The following EPB41L4A variants were observed in gnomAD, a reference collection of about 807,000 sequenced individuals.
EPB41L4A encodes the protein band 4.1-like protein 4A.
Under a neutral mutation model 108.6 loss-of-function variants are expected in EPB41L4A, and 100 were observed. The observed-to-expected ratio is 0.92, with a 90% CI of 0.78 to 1.09. The LOEUF (loss-of-function observed/expected upper bound fraction) is 1.09, where lower values mean the gene tolerates loss of function less well. Ranked by LOEUF, EPB41L4A falls within the 50% of genes least tolerant of loss-of-function variation. The probability of loss-of-function intolerance (pLI) is 0.00; values close to 1 mark genes in which losing one functional copy is unlikely to be tolerated. For synonymous variants in EPB41L4A, 319 were observed against 289.0 expected (o/e 1.10, Z -1.05); for missense variants, 1,030 against 842.7 (o/e 1.22, Z -2.75).
At chr5:112,356,251 C>T (rs1758351916) in intron 1 of EPB41L4A, among the ~76,000 whole-genome samples, 1 of 152,138 alleles carries the variant, frequency 6.6e-6, no homozygotes, top group Non-Finnish European at 1.5e-5. Context: ...CCCCTCCCTA[C>T]CACAACAGAA....
intron 12 of EPB41L4A, among the ~76,000 whole-genome samples, chr5:112,232,128 A>AAGAGAGAGAG (rs1170094950): frequency 1.4e-5 from 2 of 145,322 alleles, no homozygotes; most frequent in Non-Finnish European, 3.0e-5. Context: ...AAAAAAAAAA[A>AAGAGAGAGAG]AGAGAGAGAG....
At chr5:112,412,736 G>A (rs1327751626) in intron 1 of EPB41L4A, among the ~76,000 whole-genome samples, 2 of 152,192 alleles carry the variant, frequency 1.3e-5, no homozygotes, top group Non-Finnish European at 2.9e-5. Context: ...CTTCAGATGT[G>A]ATTAAAATTG....
intron 1 of EPB41L4A, among the ~76,000 whole-genome samples, chr5:112,362,243 T>C (rs1758813418): frequency 6.6e-6 from 1 of 150,950 alleles, no homozygotes; most frequent in Non-Finnish European, 1.5e-5. Flanking sequence ...TGGTTGGGAC[T>C]ACAGGCTCAT....
At chr5:112,280,174 T>C in intron 3 of EPB41L4A, 98 bp downstream of exon 3, 1 of 1,006,396 alleles carries the variant, frequency 9.9e-7, no homozygotes, top group South Asian at 1.3e-5. Context: ...TATTCACTTC[T>C]TTCTCCAGTA....
intron 1 of EPB41L4A, among the ~76,000 whole-genome samples, chr5:112,364,190 C>A (rs1758973206): frequency 6.6e-6 from 1 of 152,086 alleles, no homozygotes; most frequent in Admixed American, 6.6e-5. Flanking sequence ...TCATGCCAGG[C>A]AATTTTTTGT....
chr5:112,412,481 G>GGAAT (rs1561655963), intron 1 of EPB41L4A, among the ~76,000 whole-genome samples: 2 of 152,176 alleles, frequency 1.3e-5, no homozygotes. Context: ...AGAGGACACA[G>GGAAT]GAATGCAATC....
At chr5:112,339,838 G>A (rs1458219174) in intron 1 of EPB41L4A, among the ~76,000 whole-genome samples, 1 of 152,030 alleles carries the variant, frequency 6.6e-6, no homozygotes, top group Non-Finnish European at 1.5e-5. Flanking sequence ...GCTTGGCCAA[G>A]CTTATAAATT....
At chr5:112,211,332 C>T (rs142901016) in intron 12 of EPB41L4A, among the ~76,000 whole-genome samples, 2,503 of 152,276 alleles carry the variant, frequency 0.016, 31 homozygotes, top group East Asian at 0.039. Flanking sequence ...GCCTGTCATC[C>T]CAGCACTTTG....
At chr5:112,160,184 A>G (rs1759804314), downstream of EPB41L4A, among the ~76,000 whole-genome samples, 1 of 152,152 alleles carries the variant, frequency 6.6e-6, no homozygotes, top group African/African-American at 2.4e-5. Context: ...TGCTGGGATT[A>G]CAGGCATGAG....
intron 18 of EPB41L4A, among the ~76,000 whole-genome samples, chr5:112,171,682 C>T (rs1387756128): frequency 6.6e-6 from 1 of 152,198 alleles, no homozygotes; most frequent in East Asian, 1.9e-4. Flanking sequence ...AGTCAGCATT[C>T]AAGTGTTTGT....
chr5:112,170,748 GT>G (rs1446685381), intron 19 of EPB41L4A, among the ~76,000 whole-genome samples, 196 bp downstream of exon 19: 1 of 152,170 alleles, frequency 6.6e-6, no homozygotes, highest in Non-Finnish European at 1.5e-5. Flanking sequence ...AGGTGAGGAG[GT>G]GTCAGGGTTG....
At chr5:112,331,935 G>C (rs1015995059) in intron 1 of EPB41L4A, among the ~76,000 whole-genome samples, 4 of 152,196 alleles carry the variant, frequency 2.6e-5, no homozygotes, top group Admixed American at 1.3e-4. Flanking sequence ...CTGTCCAAGT[G>C]ACTCCCAAGA....
At chr5:112,234,593 A>T (rs1749194632) in intron 12 of EPB41L4A, 41 bp downstream of exon 12, 1 of 1,600,094 alleles carries the variant, frequency 6.2e-7, no homozygotes, top group African/African-American at 1.3e-5. Context: ...GCCTAAAGGA[A>T]AACAAGGTTA....
chr5:112,405,393 A>G (rs1437349676), intron 1 of EPB41L4A, among the ~76,000 whole-genome samples: 1 of 152,206 alleles, frequency 6.6e-6, no homozygotes, highest in East Asian at 1.9e-4. Context: ...AGATCCACAG[A>G]AATTGTTGAT....
chr5:112,247,476 A>C (rs889827351), intron 9 of EPB41L4A, among the ~76,000 whole-genome samples: 3 of 152,206 alleles, frequency 2.0e-5, no homozygotes, highest in African/African-American at 7.2e-5. Context: ...TGTGTGTGGC[A>C]GGACATACTG....
Position 112,301,921 on chromosome 5 carries a change from TATA to T in EPB41L4A, c.204+5462_204+5464del, listed in dbSNP as rs531047383. 5.5e-4 allele frequency among the ~76,000 whole-genome samples: 83 copies of T among 152,086 alleles called. No homozygotes were observed. In the South Asian group the frequency reaches 0.016, roughly 29 times the overall value. Reference sequence around the variant, plus strand: ...GATATATGTTTTTTATTAATAAAAATATAATAACATTTTAGGGAGAAAGTAGAA... The same window carrying T: ...GATATATGTTTTTTATTAATAAAAATATAACATTTTAGGGAGAAAGTAGAA... On this transcript the variant is annotated intron_variant, in intron 2 of 22. Coordinates refer to ENST00000261486, the MANE Select transcript of EPB41L4A (RefSeq NM_022140.5).
chr5:112,262,869 G>C (rs572699733), intron 6 of EPB41L4A, among the ~76,000 whole-genome samples: 277 of 152,074 alleles, frequency 1.8e-3, no homozygotes, highest in Middle Eastern at 6.8e-3. Flanking sequence ...CCCCTAAAGA[G>C]GTTATTGAGA....
chr5:112,218,097 C>G (rs3887654), intron 12 of EPB41L4A, among the ~76,000 whole-genome samples: 85,853 of 152,036 alleles, frequency 0.56, 25,154 homozygotes, highest in East Asian at 0.97. Flanking sequence ...TACTCACAGA[C>G]AGTCCTCCTT....
intron 4 of EPB41L4A, among the ~76,000 whole-genome samples, chr5:112,272,183 G>C (rs1752304850): frequency 1.4e-5 from 2 of 146,580 alleles, no homozygotes; most frequent in Middle Eastern, 7.1e-3. Flanking sequence ...CGCCCAGGCT[G>C]GAGTGCAGTG....
Sources: allele counts gnomAD v4.1 joint callset (sites outside exome capture counted in the v4.1 genomes callset), GRCh38; gene constraint gnomAD v4.1.1; transcripts MANE v1.5; gene names NCBI Gene and HGNC (gene_info 2026-07-23, HGNC 2026-07-21).